The following BAZ1A variants were observed in gnomAD, a reference collection of about 807,000 sequenced individuals.
BAZ1A encodes bromodomain adjacent to zinc finger domain 1A, also known as bromodomain adjacent to zinc finger domain protein 1A.
In BAZ1A, 50 loss-of-function variants were observed where a neutral mutation model predicts 185.2. That is an observed-to-expected ratio of 0.27 (90% CI 0.22 to 0.34). The LOEUF (loss-of-function observed/expected upper bound fraction) is 0.34. Ranked by LOEUF, BAZ1A falls within the 10% of genes least tolerant of loss-of-function variation. BAZ1A has a pLI of 1.00. For missense variants in BAZ1A, 1,356 were observed against 1,839.9 expected, an observed-to-expected ratio of 0.74 and a Z score of 4.81; for synonymous variants, 571 against 615.6, an observed-to-expected ratio of 0.93 and a Z score of 1.07.
At chr14:34,825,937 CA>C (rs35525726) in intron 4 of BAZ1A, 75 bp downstream of exon 4, 143 of 1,251,976 alleles carry the variant, frequency 1.1e-4, no homozygotes, top group East Asian at 2.8e-4. Flanking sequence ...AACTCTATCT[CA>C]AAAAAAAAGT....
chr14:34,758,449 G>A (rs1467237888), intron 25 of BAZ1A: 3 of 339,232 alleles, frequency 8.8e-6, no homozygotes, highest in Middle Eastern at 8.9e-4. Context: ...GTGTGGTGGT[G>A]TGTGCCTGTA....
intron 4 of BAZ1A, among the ~76,000 whole-genome samples, chr14:34,822,129 T>C (rs2042099308): frequency 6.6e-6 from 1 of 151,806 alleles, no homozygotes; most frequent in Admixed American, 6.6e-5. Flanking sequence ...ACCCTGTCTC[T>C]ACTAAAAATA....
chr14:34,759,663 T>A (rs971035308), intron 24 of BAZ1A, among the ~76,000 whole-genome samples: 3 of 99,090 alleles, frequency 3.0e-5, no homozygotes, highest in African/African-American at 1.4e-4. Flanking sequence ...TTCTTACAGA[T>A]CTTAATTTTA....
chr14:34,769,681 A>G (rs112674945), intron 21 of BAZ1A, among the ~76,000 whole-genome samples: 1 of 152,226 alleles, frequency 6.6e-6, no homozygotes, highest in Admixed American at 6.5e-5. Flanking sequence ...ATTGTGTCTT[A>G]TCCTTTTACT....
rs1358414202 is a variant in BAZ1A at position 34,834,858 on chromosome 14, T to C, written c.393-8702A>G. On this transcript the variant is annotated intron_variant, in intron 3 of 26. Coordinates refer to ENST00000360310, the MANE Select transcript of BAZ1A (RefSeq NM_013448.3). ...CATGAATTAAGACCCAGCTAGAGGA[T>C]CTTCAAGAGCATAGAAACTATTTGA... Among the ~76,000 whole-genome samples the C allele has an allele frequency of 2.0e-5, 3 of 152,162 alleles. 1 individual carries two copies. Among genetic ancestry groups the C allele is most frequent in the African/African-American group, 7.2e-5 (3 of 41,436 alleles).
At chr14:34,828,554 T>TGAAA (rs5807797) in intron 3 of BAZ1A, 87,838 of 151,502 alleles carry the variant, frequency 0.58, 25,654 homozygotes, top group South Asian at 0.67. Flanking sequence ...CATTAGAAAA[T>TGAAA]GAAAGAAGAG....
At chr14:34,784,378 A>C (rs377639417) in intron 14 of BAZ1A, among the ~76,000 whole-genome samples, 29,691 of 134,548 alleles carry the variant, frequency 0.22, 3,942 homozygotes, top group Non-Finnish European at 0.3. Flanking sequence ...AAAAAAAAAA[A>C]AAAAAAAAAA....
chr14:34,800,797 G>A (rs1284652154), intron 8 of BAZ1A, among the ~76,000 whole-genome samples: 1 of 152,176 alleles, frequency 6.6e-6, no homozygotes, highest in Non-Finnish European at 1.5e-5. Context: ...AAAAGGCTGT[G>A]TGAATCAAAC....
intron 12 of BAZ1A, among the ~76,000 whole-genome samples, chr14:34,788,036 G>T (rs1387544823): frequency 6.1e-4 from 84 of 137,178 alleles, no homozygotes; most frequent in Admixed American, 8.9e-4. Flanking sequence ...TTTTTTTTTT[G>T]AAGATGGAGT....
chr14:34,817,797 C>T (rs188864904), intron 4 of BAZ1A, among the ~76,000 whole-genome samples: 35 of 152,338 alleles, frequency 2.3e-4, no homozygotes, highest in African/African-American at 7.9e-4. Context: ...TACCATTTTA[C>T]ACCCGATAAG....
At chr14:34,848,997 C>T (rs757161551) in intron 3 of BAZ1A, among the ~76,000 whole-genome samples, 1 of 152,094 alleles carries the variant, frequency 6.6e-6, no homozygotes, top group Non-Finnish European at 1.5e-5. Flanking sequence ...CATGTAAAAC[C>T]GATCAGAAAC....
At chr14:34,760,409 T>C (rs1886471703) in intron 24 of BAZ1A, among the ~76,000 whole-genome samples, 1 of 151,868 alleles carries the variant, frequency 6.6e-6, no homozygotes, top group Non-Finnish European at 1.5e-5. Flanking sequence ...TGCCATTCTT[T>C]CACCAATGAA....
At position 34,777,910 on chromosome 14, in the gene BAZ1A, G is replaced by C. The variant is rs181501196; in HGVS notation, c.2237-1395C>G. On this transcript the variant is annotated intron_variant, in intron 17 of 26. Coordinates refer to ENST00000360310, the MANE Select transcript of BAZ1A (RefSeq NM_013448.3). ...GGAGGCTGAGGTAGGAGAATCACTT[G>C]AACCCAGAAGGTGGAAGTTGCAGTG... Among the ~76,000 whole-genome samples the C allele has an allele frequency of 2.8e-3, 428 of 151,812 alleles. 5 individuals carry two copies. The highest frequency in any genetic ancestry group is 5.0e-3 in the Non-Finnish European group (339 of 67,958).
chr14:34,773,794 C>T (rs1014353545), intron 19 of BAZ1A, 68 bp from the exon 20 acceptor site: 3 of 1,418,104 alleles, frequency 2.1e-6, no homozygotes, highest in Non-Finnish European at 2.9e-6. Flanking sequence ...GTATGAAGTT[C>T]AATATGCATA....
intron 4 of BAZ1A, among the ~76,000 whole-genome samples, chr14:34,825,110 G>C (rs561735013): frequency 6.6e-6 from 1 of 152,222 alleles, no homozygotes; most frequent in South Asian, 2.1e-4. Flanking sequence ...TCTTTATTAT[G>C]TGCCCCAAAG....
intron 3 of BAZ1A, among the ~76,000 whole-genome samples, chr14:34,860,052 C>T (rs1255249991): frequency 6.6e-6 from 1 of 152,170 alleles, no homozygotes; most frequent in East Asian, 1.9e-4. Context: ...TTCTCTTGTT[C>T]TTACAAGCAC....
chr14:34,794,813 C>T lies in BAZ1A; in HGVS notation c.1299G>A (p.Glu433=), dbSNP rs1881093127. 1 of 1,614,040 alleles carries T rather than the reference C, an allele frequency of 6.2e-7. No homozygotes were observed. Among genetic ancestry groups the T allele is most frequent in the African/African-American group, 1.3e-5 (1 of 74,922 alleles). The stretch of plus-strand genomic sequence containing the variant: ...AAAGTTCCCCAAATGCATTAAGGAA[C>T]TCCAAAACCATCAGAGCATCACCAA... ...EIFGDALMVL[E]FLNAFGELFD... The change falls in exon 11 of 27, where the codon GAG becomes GAA. Residue 433 remains glutamate, a synonymous_variant. Transcript: ENST00000360310.
chr14:34,871,997 A>G (rs982802932), intron 2 of BAZ1A, among the ~76,000 whole-genome samples: 3 of 152,230 alleles, frequency 2.0e-5, no homozygotes, highest in African/African-American at 7.2e-5. Flanking sequence ...ATCTCTTTGT[A>G]ATCATTTGCG....
intron 3 of BAZ1A, among the ~76,000 whole-genome samples, chr14:34,836,979 C>T (rs1362587645): frequency 6.6e-6 from 1 of 151,896 alleles, no homozygotes; most frequent in Non-Finnish European, 1.5e-5. Flanking sequence ...TGCTATGCTG[C>T]CCAGGCTGGC....
Sources: gnomAD v4.1 joint callset for allele counts (sites outside exome capture counted in the v4.1 genomes callset) on GRCh38, gnomAD v4.1.1 for gene constraint, MANE v1.5 for transcripts, NCBI Gene and HGNC (gene_info 2026-07-23, HGNC 2026-07-21) for gene names.